Variants in AOAH observed in about 807,000 individuals in gnomAD.
The protein encoded by AOAH is acyloxyacyl hydrolase (neutrophil).
Under a neutral mutation model 92.2 loss-of-function variants are expected in AOAH, and 64 were observed. The observed-to-expected ratio is 0.69, with a 90% CI of 0.57 to 0.86. The LOEUF (loss-of-function observed/expected upper bound fraction) is 0.86, where lower values mean the gene tolerates loss of function less well. AOAH is among the 40% of genes least tolerant of loss of function. The pLI is 0.00. For missense variants in AOAH, 656 were observed against 694.6 expected (o/e 0.94, Z 0.62); for synonymous variants, 263 against 254.5 (o/e 1.03, Z -0.32).
intron 12 of AOAH, among the ~76,000 whole-genome samples, chr7:36,591,517 T>G (rs1789742602): frequency 6.6e-6 from 1 of 152,130 alleles, no homozygotes; most frequent in Non-Finnish European, 1.5e-5. Flanking sequence ...CTTATAAGAG[T>G]TAGAAACCAT....
At chr7:36,557,596 AT>A (rs1379572565) in intron 13 of AOAH, among the ~76,000 whole-genome samples, 3 of 152,110 alleles carry the variant, frequency 2.0e-5, no homozygotes, top group Non-Finnish European at 4.4e-5. Flanking sequence ...ACTTGGTTCC[AT>A]TCTCCCTGTC....
chr7:36,677,107 A>G (rs373316147), intron 2 of AOAH, among the ~76,000 whole-genome samples: 2 of 152,182 alleles, frequency 1.3e-5, no homozygotes, highest in Non-Finnish European at 2.9e-5. Context: ...AATAACAATA[A>G]GTTTTGCACT....
Position 36,627,517 on chromosome 7 carries a change from T to G in AOAH, c.522-4267A>C, listed in dbSNP as rs538154033. The stretch of plus-strand genomic sequence containing the variant: ...ATTGGTAAAGTAGAATCAATATCAT[T>G]AACTATTTCTTAGACATGGAAAGCA... On this transcript the variant is annotated intron_variant, in intron 6 of 20. Transcript: ENST00000617537. Among the ~76,000 whole-genome samples, 190 of 151,402 alleles carry G rather than the reference T, an allele frequency of 1.3e-3. 1 individual carries two copies. Among genetic ancestry groups the G allele is most frequent in the Non-Finnish European group, 4.9e-4 (33 of 67,898 alleles).
chr7:36,589,392 G>T (rs1391284974), intron 12 of AOAH, among the ~76,000 whole-genome samples: 2 of 152,150 alleles, frequency 1.3e-5, no homozygotes, highest in Non-Finnish European at 2.9e-5. Context: ...CTATACCCTG[G>T]CCAAACACTG....
chr7:36,637,821 A>G, intron 5 of AOAH, 30 bp downstream of exon 5: 1 of 1,607,424 alleles, frequency 6.2e-7, no homozygotes, highest in Middle Eastern at 1.7e-4. Context: ...GCCAAGGAAA[A>G]GGCTGGCGTT....
chr7:36,552,150 T>C (rs1004487433), intron 13 of AOAH, among the ~76,000 whole-genome samples: 4 of 152,152 alleles, frequency 2.6e-5, no homozygotes, highest in African/African-American at 9.7e-5. Flanking sequence ...CACCTAGGTA[T>C]TAAGCCCAGC....
At chr7:36,633,821 A>G (rs1234388320) in intron 5 of AOAH, among the ~76,000 whole-genome samples, 3 of 152,138 alleles carry the variant, frequency 2.0e-5, no homozygotes, top group African/African-American at 7.2e-5. Flanking sequence ...CAGGGTTTCA[A>G]ACCTCGGTGC....
At chr7:36,616,830 C>G (rs73340172) in intron 10 of AOAH, among the ~76,000 whole-genome samples, 1 of 152,284 alleles carries the variant, frequency 6.6e-6, no homozygotes, top group Non-Finnish European at 1.5e-5. Context: ...AACACACCAA[C>G]GTCCATTACA....
At chr7:36,684,402 C>T (rs147222756) in intron 2 of AOAH, among the ~76,000 whole-genome samples, 3 of 152,202 alleles carry the variant, frequency 2.0e-5, no homozygotes, top group African/African-American at 7.2e-5. Context: ...CAATGCACTA[C>T]CTTGAAAACT....
intron 1 of AOAH, among the ~76,000 whole-genome samples, chr7:36,721,024 C>T (rs373995048): frequency 1.3e-5 from 2 of 152,166 alleles, no homozygotes; most frequent in East Asian, 3.9e-4. Flanking sequence ...GAGAGCGGAC[C>T]TCACTGCTTC....
chr7:36,618,236 T>G, intron 10 of AOAH, 61 bp downstream of exon 10: 2 of 1,519,008 alleles, frequency 1.3e-6, no homozygotes, highest in Admixed American at 1.7e-5. Flanking sequence ...TCACTTCAAT[T>G]TGACTCAAAC....
chr7:36,554,231 TA>T (rs1786509678), intron 13 of AOAH, among the ~76,000 whole-genome samples: 1 of 152,250 alleles, frequency 6.6e-6, no homozygotes, highest in Non-Finnish European at 1.5e-5. Context: ...CACCATTTAT[TA>T]AATAGGGAGT....
intron 6 of AOAH, among the ~76,000 whole-genome samples, chr7:36,624,612 C>T (rs1341867562): frequency 1.3e-5 from 2 of 152,224 alleles, no homozygotes; most frequent in Non-Finnish European, 2.9e-5. Flanking sequence ...GGAGCTGGCA[C>T]TGGTGGCAAG....
chr7:36,700,128 A>ATTTTGTAAT (rs959845036), intron 1 of AOAH, among the ~76,000 whole-genome samples: 8 of 151,822 alleles, frequency 5.3e-5, no homozygotes, highest in Non-Finnish European at 7.4e-5. Flanking sequence ...ATTTATATTT[A>ATTTTGTAAT]TTTTGTAATT....
chr7:36,601,120 G>T (rs1562608800), intron 11 of AOAH, among the ~76,000 whole-genome samples: 2 of 152,200 alleles, frequency 1.3e-5, no homozygotes. Flanking sequence ...AGTTCTGGGA[G>T]AATAGAGAGA....
At chr7:36,566,009 C>A (rs953931929) in intron 13 of AOAH, among the ~76,000 whole-genome samples, 4 of 151,956 alleles carry the variant, frequency 2.6e-5, no homozygotes, top group African/African-American at 9.7e-5. Flanking sequence ...TCAGCTATCA[C>A]ATCTCCTTAG....
chr7:36,684,906 C>CAAAAAAAAAAAA (rs57827044), intron 2 of AOAH, among the ~76,000 whole-genome samples: 5 of 59,988 alleles, frequency 8.3e-5, no homozygotes, highest in Non-Finnish European at 1.1e-4. Flanking sequence ...GACCTTGTCT[C>CAAAAAAAAAAAA]AAAAAAAAAA....
In AOAH at chr7:36,650,920, T is replaced by A. The variant is rs536017519; in HGVS notation, c.390+8246A>T. On this transcript the variant is annotated intron_variant, in intron 4 of 20. Transcript: ENST00000617537. ...GGAAAGGGGACCTTCTTCAGAGAGG[T>A]TGGTCAGGGAGGGTCTTCCTGGAGA... Among the ~76,000 whole-genome samples the A allele has an allele frequency of 3.1e-3, 476 of 152,102 alleles. 5 individuals carry two copies. The highest frequency in any genetic ancestry group is 0.011 in the African/African-American group (457 of 41,488).
At chr7:36,530,386 T>C in intron 19 of AOAH, 32 bp downstream of exon 19, 1 of 1,492,534 alleles carries the variant, frequency 6.7e-7, no homozygotes, top group Admixed American at 1.7e-5. Flanking sequence ...GCTGCTTTCA[T>C]CTTCTGTCAA....
Sources: allele counts gnomAD v4.1 joint callset (sites outside exome capture counted in the v4.1 genomes callset), GRCh38; gene constraint gnomAD v4.1.1; transcripts MANE v1.5; gene names NCBI Gene and HGNC (gene_info 2026-07-23, HGNC 2026-07-21).